Variants in FHIT observed in about 807,000 individuals in gnomAD.
FHIT encodes the protein bis(5'-adenosyl)-triphosphatase.
In FHIT, 19 loss-of-function variants were observed where a neutral mutation model predicts 17.9. That is an observed-to-expected ratio of 1.06 (90% CI 0.74 to 1.56). The LOEUF (loss-of-function observed/expected upper bound fraction) is 1.56. FHIT is among the 40% of genes most tolerant of loss of function. The pLI is 0.00. For missense variants in FHIT, 248 were observed against 189.2 expected, an observed-to-expected ratio of 1.31 and a Z score of -1.82; for synonymous variants, 81 against 69.7, an observed-to-expected ratio of 1.16 and a Z score of -0.81.
chr3:59,890,184 G>A (rs759562398), intron 8 of FHIT, among the ~76,000 whole-genome samples: 4 of 152,040 alleles, frequency 2.6e-5, no homozygotes, highest in South Asian at 4.2e-4. Context: ...TTCTTTGAGA[G>A]GATAAAGCCT....
At chr3:60,920,967 A>G (rs1276252747) in intron 3 of FHIT, among the ~76,000 whole-genome samples, 1 of 152,206 alleles carries the variant, frequency 6.6e-6, no homozygotes, top group East Asian at 1.9e-4. Context: ...ACTGCCGCAG[A>G]CGATTTCTCT....
At chr3:61,223,666 T>C (rs939922125) in intron 1 of FHIT, among the ~76,000 whole-genome samples, 8 of 152,178 alleles carry the variant, frequency 5.3e-5, no homozygotes, top group African/African-American at 1.9e-4. Flanking sequence ...CCTTCCACAT[T>C]TTGCCAGATG....
intron 8 of FHIT, among the ~76,000 whole-genome samples, chr3:59,884,406 T>G (rs570865269): frequency 1.3e-5 from 2 of 151,932 alleles, no homozygotes; most frequent in Admixed American, 6.6e-5. Context: ...TTGTTAATAT[T>G]TACCAGCACA....
At chr3:60,852,846 C>T (rs11130789) in intron 3 of FHIT, among the ~76,000 whole-genome samples, 90,890 of 151,730 alleles carry the variant, frequency 0.6, 31,039 homozygotes, top group East Asian at 1. Flanking sequence ...CCCTAAAAAT[C>T]AAGATTTTTT....
intron 1 of FHIT, among the ~76,000 whole-genome samples, chr3:61,208,947 G>A (rs540067939): frequency 6.6e-6 from 1 of 151,982 alleles, no homozygotes; most frequent in African/African-American, 2.4e-5. Context: ...TTTTGCAGTG[G>A]CTGGTACTGG....
At chr3:59,934,923 G>A (rs2107243707) in intron 7 of FHIT, among the ~76,000 whole-genome samples, 1 of 152,232 alleles carries the variant, frequency 6.6e-6, no homozygotes, top group Admixed American at 6.5e-5. Flanking sequence ...GGGTGCGGAT[G>A]CAGCCAAACC....
intron 2 of FHIT, among the ~76,000 whole-genome samples, chr3:61,147,245 G>A (rs892121219): frequency 4.6e-5 from 7 of 152,004 alleles, no homozygotes; most frequent in Middle Eastern, 3.4e-3. Flanking sequence ...CTGTTGAGGC[G>A]ACAAAACAAA....
At chr3:59,942,426 A>T (rs539451087) in intron 7 of FHIT, among the ~76,000 whole-genome samples, 1 of 152,294 alleles carries the variant, frequency 6.6e-6, no homozygotes, top group South Asian at 2.1e-4. Context: ...CCTGTGGACA[A>T]GTTTGTCAGA....
intron 5 of FHIT, among the ~76,000 whole-genome samples, chr3:60,274,914 A>G (rs1352687909): frequency 2.0e-5 from 3 of 152,210 alleles, no homozygotes; most frequent in Non-Finnish European, 1.5e-5. Flanking sequence ...AGGGAAAAAA[A>G]TTCTATTTTA....
Position 61,109,682 on chromosome 3 carries a change from TACAATGTCATAA to T in FHIT, c.-163-67595_-163-67584del, listed in dbSNP as rs113446870. On this transcript the variant is annotated intron_variant, in intron 2 of 9. Transcript: ENST00000492590. ...GCACAACAGTGTCATTAGGAATTTC[TACAATGTCATAA>T]GCAATGTCATAAGGCATTTCTACAC... Among the ~76,000 whole-genome samples, 477 of 152,282 alleles carry T rather than the reference TACAATGTCATAA, an allele frequency of 3.1e-3. 4 individuals carry two copies. The highest frequency in any genetic ancestry group is 0.011 in the African/African-American group (449 of 41,542).
intron 1 of FHIT, among the ~76,000 whole-genome samples, chr3:61,214,942 T>A (rs1400555914): frequency 6.6e-6 from 1 of 151,840 alleles, no homozygotes; most frequent in African/African-American, 2.4e-5. Context: ...AAAAGGCCTT[T>A]GACAAAATTC....
intron 5 of FHIT, among the ~76,000 whole-genome samples, chr3:60,493,027 C>T (rs777234090): frequency 5.9e-5 from 9 of 151,934 alleles, no homozygotes; most frequent in Admixed American, 3.3e-4. Flanking sequence ...TATAAAACAG[C>T]GTAGAATTGA....
At chr3:60,407,067 A>AT (rs34542104) in intron 5 of FHIT, among the ~76,000 whole-genome samples, 25,249 of 62,902 alleles carry the variant, frequency 0.4, 6,944 homozygotes, top group Non-Finnish European at 0.52. Flanking sequence ...CCTGCCAATA[A>AT]TTTTTTTTTT....
chr3:60,530,095 G>T (rs558691831), intron 5 of FHIT, among the ~76,000 whole-genome samples: 1 of 152,136 alleles, frequency 6.6e-6, no homozygotes, highest in African/African-American at 2.4e-5. Context: ...TGCACAGCAC[G>T]GTCTGGGGCT....
At chr3:60,908,882 T>C (rs1706573120) in intron 3 of FHIT, among the ~76,000 whole-genome samples, 1 of 152,114 alleles carries the variant, frequency 6.6e-6, no homozygotes, top group Non-Finnish European at 1.5e-5. Context: ...GAAGGGTACT[T>C]TGTGGAGCTT....
At chr3:60,723,898 G>A (rs2041862029) in intron 4 of FHIT, among the ~76,000 whole-genome samples, 3 of 152,164 alleles carry the variant, frequency 2.0e-5, no homozygotes, top group African/African-American at 7.2e-5. Flanking sequence ...TGGTAGCAGC[G>A]AGCAAAGCAT....
At chr3:59,821,033 T>A (rs958083051) in intron 8 of FHIT, among the ~76,000 whole-genome samples, 3 of 152,072 alleles carry the variant, frequency 2.0e-5, no homozygotes, top group Admixed American at 2.0e-4. Context: ...AAAGTGCAGA[T>A]AAAGGTGTCC....
intron 1 of FHIT, among the ~76,000 whole-genome samples, chr3:61,217,312 C>G (rs1320259081): frequency 6.6e-6 from 1 of 152,158 alleles, no homozygotes; most frequent in Non-Finnish European, 1.5e-5. Context: ...CATCTGATAT[C>G]TCATGCCCTC....
intron 1 of FHIT, among the ~76,000 whole-genome samples, chr3:61,250,597 C>T (rs528670493): frequency 1.3e-5 from 2 of 152,238 alleles, no homozygotes; most frequent in African/African-American, 4.8e-5. Flanking sequence ...GAATGTGAGC[C>T]TACAGAGAAA....
Sources: gnomAD v4.1 joint callset for allele counts (sites outside exome capture counted in the v4.1 genomes callset) on GRCh38, gnomAD v4.1.1 for gene constraint, MANE v1.5 for transcripts, NCBI Gene and HGNC (gene_info 2026-07-23, HGNC 2026-07-21) for gene names.